Variants in KLHL29 observed in about 807,000 individuals in gnomAD.
The protein encoded by KLHL29 is kelch like family member 29.
KLHL29 carries 21 observed loss-of-function variants against 80.4 expected under a neutral mutation model. That is an observed-to-expected ratio of 0.26 (90% confidence interval 0.19 to 0.38). The LOEUF (loss-of-function observed/expected upper bound fraction) is 0.38. KLHL29 is among the 10% of genes least tolerant of loss of function. The pLI is 1.00. For missense variants in KLHL29, 867 were observed against 1,223.9 expected (o/e 0.71, Z 4.35); for synonymous variants, 511 against 526.8 (o/e 0.97, Z 0.41).
intron 1 of KLHL29, among the ~76,000 whole-genome samples, chr2:23,391,454 T>C (rs1474019608): frequency 6.6e-6 from 1 of 151,948 alleles, no homozygotes; most frequent in African/African-American, 2.4e-5. Context: ...TGAGACGGGG[T>C]TTTGATCTTG....
At chr2:23,461,619 C>T (rs1664211485) in intron 1 of KLHL29, among the ~76,000 whole-genome samples, 1 of 151,782 alleles carries the variant, frequency 6.6e-6, no homozygotes, top group Non-Finnish European at 1.5e-5. Context: ...TTTAAATGGA[C>T]CCGGTATCCA....
chr2:23,508,150 G>A (rs1036198026), intron 2 of KLHL29, among the ~76,000 whole-genome samples: 2 of 152,192 alleles, frequency 1.3e-5, no homozygotes, highest in Non-Finnish European at 2.9e-5. Flanking sequence ...CCAAGAAACT[G>A]TGTGGCTCAA....
intron 2 of KLHL29, among the ~76,000 whole-genome samples, chr2:23,539,779 T>C (rs1373736515): frequency 6.6e-6 from 1 of 152,094 alleles, no homozygotes; most frequent in African/African-American, 2.4e-5. Context: ...ATACATTGTA[T>C]TTCCTCATTC....
At chr2:23,435,895 C>T (rs1663326274) in intron 1 of KLHL29, among the ~76,000 whole-genome samples, 1 of 148,622 alleles carries the variant, frequency 6.7e-6, no homozygotes, top group African/African-American at 2.5e-5. Flanking sequence ...TTCTCTCTCT[C>T]TCTCTTTTTT....
rs558965107 is a variant in KLHL29, at chr2:23,628,481, C to T, written c.286-10658C>T. 4.4e-4 allele frequency among the ~76,000 whole-genome samples: 67 copies of T among 152,094 alleles called. 1 individual carries two copies. The highest frequency in any genetic ancestry group is 8.7e-4 in the Non-Finnish European group (59 of 68,014). On this transcript the variant is annotated intron_variant, in intron 3 of 13. Transcript: ENST00000486442. ...GAGTCATCTCCATGCAGGCCTGAGT[C>T]GCTGGGCTCACAATTAATGTTGAGG...
At chr2:23,412,077 T>C (rs540855183) in intron 1 of KLHL29, among the ~76,000 whole-genome samples, 1 of 148,236 alleles carries the variant, frequency 6.7e-6, no homozygotes, top group East Asian at 2.0e-4. Context: ...GTTTCCATGC[T>C]TGGAGTATGT....
intron 3 of KLHL29, among the ~76,000 whole-genome samples, chr2:23,625,683 A>G (rs1418407717): frequency 1.3e-5 from 2 of 152,202 alleles, no homozygotes; most frequent in East Asian, 1.9e-4. Context: ...CTGAACGCCC[A>G]CTTTGTGCAG....
intron 2 of KLHL29, among the ~76,000 whole-genome samples, chr2:23,514,213 A>G (rs1665857999): frequency 6.6e-6 from 1 of 152,182 alleles, no homozygotes; most frequent in Admixed American, 6.5e-5. Context: ...GGAGCCTCCA[A>G]GGAGCAAGAA....
At position 23,480,791 on chromosome 2, in the gene KLHL29, C is replaced by T. The variant is rs531509614; in HGVS notation, c.-46+5124C>T. 3.3e-5 allele frequency among the ~76,000 whole-genome samples: 5 copies of T among 152,292 alleles called. No individual in the cohort carries two copies. In the East Asian group the frequency reaches 5.8e-4, roughly 18 times the overall value. ...GCTATGTTGTACTATGTTCATCTTGCGCCACCCCACATGAACTCTACGGGC... is the reference window on the plus strand; with the variant it reads ...GCTATGTTGTACTATGTTCATCTTGTGCCACCCCACATGAACTCTACGGGC... On this transcript the variant is annotated intron_variant, in intron 2 of 13. Coordinates refer to ENST00000486442, the MANE Select transcript of KLHL29 (RefSeq NM_052920.2).
At chr2:23,448,683 G>T (rs539694191) in intron 1 of KLHL29, among the ~76,000 whole-genome samples, 1 of 152,266 alleles carries the variant, frequency 6.6e-6, no homozygotes, top group South Asian at 2.1e-4. Context: ...CCACCTTCTG[G>T]GGACCAGGAG....
At chr2:23,658,330 T>C (rs562380462) in intron 5 of KLHL29, among the ~76,000 whole-genome samples, 1 of 152,200 alleles carries the variant, frequency 6.6e-6, no homozygotes, top group South Asian at 2.1e-4. Flanking sequence ...GTGGGGAAGA[T>C]GCCCCCGTCA....
chr2:23,473,297 C>T (rs1664546589), intron 1 of KLHL29, among the ~76,000 whole-genome samples: 1 of 152,124 alleles, frequency 6.6e-6, no homozygotes, highest in Non-Finnish European at 1.5e-5. Flanking sequence ...CCATACAGGT[C>T]AGGTGAGCCT....
rs367767732 is a variant in KLHL29 at position 23,439,363 on chromosome 2, C to T, written c.-153-36197C>T. On this transcript the variant is annotated intron_variant, in intron 1 of 13. Transcript: ENST00000486442. Reference sequence around the variant, plus strand: ...CTTGCCTTCTGCTAGCTTTTGAATGCGTTTGCTCTTGCTTTTCTAGTTCTT... The same window carrying T: ...CTTGCCTTCTGCTAGCTTTTGAATGTGTTTGCTCTTGCTTTTCTAGTTCTT... 3.9e-4 allele frequency among the ~76,000 whole-genome samples: 59 copies of T among 151,928 alleles called. 1 individual carries two copies. The highest frequency in any genetic ancestry group is 1.1e-3 in the African/African-American group (44 of 41,456).
At chr2:23,698,871 C>T (rs111847861) in intron 11 of KLHL29, among the ~76,000 whole-genome samples, 2 of 152,300 alleles carry the variant, frequency 1.3e-5, no homozygotes, top group South Asian at 2.1e-4. Flanking sequence ...AGGAAATTCG[C>T]ATTTGGTGCG....
At chr2:23,626,964 C>T (rs1280231986) in intron 3 of KLHL29, among the ~76,000 whole-genome samples, 1 of 152,162 alleles carries the variant, frequency 6.6e-6, no homozygotes, top group Non-Finnish European at 1.5e-5. Flanking sequence ...CCGTGGCTAC[C>T]CAGCCTCTTG....
chr2:23,586,362 CTTTTTTTTTTTTT>C (rs778067234), intron 3 of KLHL29, among the ~76,000 whole-genome samples: 133 of 96,992 alleles, frequency 1.4e-3, no homozygotes, highest in African/African-American at 5.8e-3. Flanking sequence ...AAAAGCATTA[CTTTTTTTTTTTTT>C]TTTTTTTTTT....
At chr2:23,531,389 C>T (rs372546578) in intron 2 of KLHL29, among the ~76,000 whole-genome samples, 1 of 152,148 alleles carries the variant, frequency 6.6e-6, no homozygotes, top group Non-Finnish European at 1.5e-5. Flanking sequence ...AACAGGCGAC[C>T]GTCCCCATCA....
intron 2 of KLHL29, among the ~76,000 whole-genome samples, chr2:23,546,011 G>T (rs1666970533): frequency 6.6e-6 from 1 of 152,248 alleles, no homozygotes; most frequent in Non-Finnish European, 1.5e-5. Context: ...TGTGCCTACA[G>T]ACCGGGTTGG....
In KLHL29 at chr2:23,656,837, A is replaced by G. The variant is rs766284901; in HGVS notation, c.940+13987A>G. ...CCCAGGCTGAGCATCTTCCAGACTGAAACTCCCTAAGAAGGGCTTGGCCCT... is the reference window on the plus strand; with the variant it reads ...CCCAGGCTGAGCATCTTCCAGACTGGAACTCCCTAAGAAGGGCTTGGCCCT... On this transcript the variant is annotated intron_variant, in intron 5 of 13. Coordinates refer to ENST00000486442, the MANE Select transcript of KLHL29 (RefSeq NM_052920.2). Among the ~76,000 whole-genome samples, 9 of 152,078 alleles carry G rather than the reference A, an allele frequency of 5.9e-5. No homozygotes were observed. The Middle Eastern group carries it at 0.01, about 172-fold the overall frequency.
Sources: allele counts gnomAD v4.1 joint callset (sites outside exome capture counted in the v4.1 genomes callset), GRCh38; gene constraint gnomAD v4.1.1; transcripts MANE v1.5; gene names NCBI Gene and HGNC (gene_info 2026-07-23, HGNC 2026-07-21).